The following LHFPL2 variants were observed in gnomAD, a reference collection of about 807,000 sequenced individuals.
LHFPL2 encodes the protein LHFPL tetraspan subfamily member 2 protein.
A neutral mutation model predicts 17.5 loss-of-function variants in LHFPL2; 7 were observed. The ratio of observed to expected loss-of-function variants is 0.40; its 90% CI spans 0.23 to 0.75. LHFPL2 has a LOEUF of 0.75. Among genes scored for constraint, LHFPL2 ranks in the 30% least tolerant of loss-of-function variants. The pLI, the probability that LHFPL2 is intolerant of heterozygous loss-of-function variation, is 0.37. For missense variants in LHFPL2, 241 were observed against 294.8 expected, an observed-to-expected ratio of 0.82 and a Z score of 1.34; for synonymous variants, 134 against 116.2, an observed-to-expected ratio of 1.15 and a Z score of -0.99.
chr5:78,638,122 A>C (rs1360228177), intron 1 of LHFPL2, among the ~76,000 whole-genome samples: 4 of 152,138 alleles, frequency 2.6e-5, no homozygotes, highest in Admixed American at 2.6e-4. Flanking sequence ...TGGGAGGCCG[A>C]GGCAGGTGGA....
intron 2 of LHFPL2, among the ~76,000 whole-genome samples, chr5:78,599,725 T>A (rs1743946213): frequency 6.6e-6 from 1 of 151,828 alleles, no homozygotes. Flanking sequence ...GCCTAGCCCA[T>A]GAGATCTTGT....
intron 4 of LHFPL2, among the ~76,000 whole-genome samples, chr5:78,504,285 G>A (rs916291585): frequency 6.6e-6 from 1 of 152,120 alleles, no homozygotes; most frequent in Non-Finnish European, 1.5e-5. Context: ...GGGCAACCAA[G>A]GTCACACCAC....
chr5:78,610,945 ATT>A (rs1554059535), intron 2 of LHFPL2, among the ~76,000 whole-genome samples: 1 of 151,972 alleles, frequency 6.6e-6, no homozygotes, highest in Non-Finnish European at 1.5e-5. Flanking sequence ...TTAACACAAC[ATT>A]TAAGTGTCCT....
Position 78,488,983 on chromosome 5 carries a change from A to G in LHFPL2, c.601T>C (p.Phe201Leu). Residue 201 changes from phenylalanine to leucine, a missense_variant, in exon 5 of 5, where the codon TTC becomes CTC. Coordinates refer to ENST00000380345, the MANE Select transcript of LHFPL2 (RefSeq NM_005779.3). ...GTTGCAATTTCTGCTTGTGCAGAGAAGACAGCACAGATGAAAGTGAGGACT... is the reference window on the plus strand; with the variant it reads ...GTTGCAATTTCTGCTTGTGCAGAGAGGACAGCACAGATGAAAGTGAGGACT... ...GTVLTFICAVFSAQAEIATSS... is the reference protein window; with the variant it reads ...GTVLTFICAVLSAQAEIATSS... 1.9e-6 allele frequency: 3 copies of G among 1,614,202 alleles called. No homozygotes were observed. The highest frequency in any genetic ancestry group is 2.5e-6 in the Non-Finnish European group (3 of 1,180,012).
intron 3 of LHFPL2, among the ~76,000 whole-genome samples, chr5:78,544,550 C>G (rs1756211093): frequency 6.6e-6 from 1 of 152,184 alleles, no homozygotes; most frequent in African/African-American, 2.4e-5. Flanking sequence ...GGGAAAACCT[C>G]TGTTGTGATT....
At chr5:78,581,782 T>C (rs1029335566) in intron 2 of LHFPL2, among the ~76,000 whole-genome samples, 31 of 152,264 alleles carry the variant, frequency 2.0e-4, no homozygotes, top group Non-Finnish European at 2.5e-4. Flanking sequence ...CCGGCTTTGG[T>C]ATCAGGATGA....
At chr5:78,621,138 A>G (rs1458975400) in intron 2 of LHFPL2, among the ~76,000 whole-genome samples, 1 of 152,106 alleles carries the variant, frequency 6.6e-6, no homozygotes, top group African/African-American at 2.4e-5. Context: ...AGAATCCCCA[A>G]TCTCATCAAT....
At chr5:78,610,965 G>A (rs1744405627) in intron 2 of LHFPL2, among the ~76,000 whole-genome samples, 1 of 151,918 alleles carries the variant, frequency 6.6e-6, no homozygotes, top group East Asian at 1.9e-4. Context: ...CCTCCTCAAG[G>A]AGCCACAGGC....
At position 78,510,168 on chromosome 5, in the gene LHFPL2, G is replaced by A. The variant is rs184041521; in HGVS notation, c.46C>T (p.Leu16=). 1.4e-4 allele frequency: 223 copies of A among 1,610,746 alleles called. No individual in the cohort carries two copies. The East Asian group carries it at 5.0e-3, about 36-fold the overall frequency. ...TCGGCAAAAGCCACCACAATACTCA[G>A]CAAGGTCCAGAGCATCGAGCGACAG... is the stretch of plus-strand genomic sequence containing the variant. ...VTCRSMLWTL[L]SIVVAFAELI... The change falls in exon 4 of 5, where the codon CTG becomes TTG. Residue 16 remains leucine (L), a synonymous_variant. Transcript: ENST00000380345.
intron 3 of LHFPL2, among the ~76,000 whole-genome samples, chr5:78,524,944 A>C (rs1244196508): frequency 6.6e-6 from 1 of 152,066 alleles, no homozygotes; most frequent in Non-Finnish European, 1.5e-5. Flanking sequence ...AATACTTGGT[A>C]CTCCTTGAGT....
At chr5:78,548,797 A>C (rs947472895) in intron 3 of LHFPL2, among the ~76,000 whole-genome samples, 1 of 152,188 alleles carries the variant, frequency 6.6e-6, no homozygotes, top group African/African-American at 2.4e-5. Context: ...TGTGCCAAAC[A>C]TATTATGTGC....
intron 2 of LHFPL2, among the ~76,000 whole-genome samples, chr5:78,593,621 T>C (rs768688140): frequency 6.6e-6 from 1 of 152,144 alleles, no homozygotes; most frequent in Non-Finnish European, 1.5e-5. Flanking sequence ...AAATCAATAT[T>C]TGAACAAGCA....
intron 2 of LHFPL2, among the ~76,000 whole-genome samples, chr5:78,591,436 A>AAT (rs1459401220): frequency 2.0e-5 from 3 of 152,228 alleles, no homozygotes; most frequent in African/African-American, 7.2e-5. Context: ...TACCTCTGAG[A>AAT]ATAAACTATC....
At chr5:78,601,778 G>A (rs1031442637) in intron 2 of LHFPL2, among the ~76,000 whole-genome samples, 1 of 152,134 alleles carries the variant, frequency 6.6e-6, no homozygotes, top group African/African-American at 2.4e-5. Context: ...AGGCTGGGGG[G>A]AATGCTCCTG....
At chr5:78,514,232 G>T (rs551523110) in intron 3 of LHFPL2, among the ~76,000 whole-genome samples, 1 of 151,946 alleles carries the variant, frequency 6.6e-6, no homozygotes, top group Admixed American at 6.6e-5. Flanking sequence ...CACTAAATAC[G>T]TTTCCCCTCG....
intron 3 of LHFPL2, among the ~76,000 whole-genome samples, chr5:78,531,574 C>T (rs1215504654): frequency 6.6e-6 from 1 of 152,096 alleles, no homozygotes; most frequent in African/African-American, 2.4e-5. Flanking sequence ...TTTCTTGGTG[C>T]CCCCTTAAAT....
At chr5:78,527,376 T>TTG (rs1281108637) in intron 3 of LHFPL2, among the ~76,000 whole-genome samples, 1 of 150,838 alleles carries the variant, frequency 6.6e-6, no homozygotes, top group Non-Finnish European at 1.5e-5. Flanking sequence ...TTTTTTTTTT[T>TTG]TTTTTTTTTT....
chr5:78,583,051 T>A (rs898713622), intron 2 of LHFPL2, among the ~76,000 whole-genome samples: 68 of 152,174 alleles, frequency 4.5e-4, no homozygotes, highest in African/African-American at 1.5e-3. Flanking sequence ...TGGCCTTGTC[T>A]CTTTTGATCT....
intron 1 of LHFPL2, among the ~76,000 whole-genome samples, chr5:78,633,472 G>GACTCA (rs769355755): frequency 4.6e-5 from 7 of 152,202 alleles, no homozygotes; most frequent in Non-Finnish European, 8.8e-5. Flanking sequence ...CAGACCTAGG[G>GACTCA]ACTCAGAATC....
Sources: allele counts gnomAD v4.1 joint callset (sites outside exome capture counted in the v4.1 genomes callset), GRCh38; gene constraint gnomAD v4.1.1; transcripts MANE v1.5; gene names NCBI Gene and HGNC (gene_info 2026-07-23, HGNC 2026-07-21).